Variants in SRBD1 observed in about 807,000 individuals in gnomAD.
SRBD1 encodes the protein S1 RNA binding domain 1.
Under a neutral mutation model 115.3 loss-of-function variants are expected in SRBD1, and 88 were observed. The observed-to-expected ratio is 0.76, with a 90% CI of 0.64 to 0.91. SRBD1 has a LOEUF of 0.91. SRBD1 is among the 40% of genes least tolerant of loss of function. SRBD1 has a pLI of 0.00. For synonymous variants in SRBD1, 509 were observed against 407.7 expected (o/e 1.25, Z -2.99); for missense variants, 1,385 against 1,177.4 (o/e 1.18, Z -2.58).
chr2:45,528,824 A>C (rs1366137657), intron 14 of SRBD1, among the ~76,000 whole-genome samples: 1 of 151,954 alleles, frequency 6.6e-6, no homozygotes, highest in Non-Finnish European at 1.5e-5. Flanking sequence ...TTAGAAGTAC[A>C]ATTACCAAAA....
intron 14 of SRBD1, among the ~76,000 whole-genome samples, chr2:45,493,459 T>C (rs541169145): frequency 6.6e-5 from 10 of 152,314 alleles, no homozygotes; most frequent in Admixed American, 5.9e-4. Context: ...AATTCTTTTA[T>C]GTAATGATGA....
At chr2:45,402,000 C>T (rs1050848838) in intron 19 of SRBD1, among the ~76,000 whole-genome samples, 4 of 152,108 alleles carry the variant, frequency 2.6e-5, no homozygotes, top group African/African-American at 9.7e-5. Context: ...AATCCTTGAA[C>T]AGGAATGGGA....
intron 14 of SRBD1, among the ~76,000 whole-genome samples, chr2:45,537,929 G>C (rs1240091545): frequency 6.6e-6 from 1 of 152,188 alleles, no homozygotes; most frequent in Non-Finnish European, 1.5e-5. Flanking sequence ...AGGTATGAGA[G>C]AGAAAATTTA....
At chr2:45,414,653 C>T (rs1426427841) in intron 18 of SRBD1, among the ~76,000 whole-genome samples, 1 of 148,578 alleles carries the variant, frequency 6.7e-6, no homozygotes, top group Admixed American at 6.7e-5. Flanking sequence ...ATATAGTATG[C>T]ACATACACAC....
chr2:45,608,056 T>C (rs547063288), intron 1 of SRBD1, among the ~76,000 whole-genome samples: 45 of 152,302 alleles, frequency 3.0e-4, no homozygotes, highest in Non-Finnish European at 4.9e-4. Flanking sequence ...ATTCAGAACA[T>C]TCCCACACAG....
chr2:45,408,024 T>C (rs951603017), intron 19 of SRBD1, among the ~76,000 whole-genome samples: 2 of 152,200 alleles, frequency 1.3e-5, no homozygotes, highest in Non-Finnish European at 2.9e-5. Flanking sequence ...CATAATCATG[T>C]TACATTTTGA....
chr2:45,415,687 GGGAGAGGAGA>G (rs1444810462), intron 18 of SRBD1, among the ~76,000 whole-genome samples: 172 of 3,726 alleles, frequency 0.046, 26 homozygotes, highest in African/African-American at 0.12. Flanking sequence ...GGGAGGGGAC[GGGAGAGGAGA>G]GGAGAGGAGA....
intron 8 of SRBD1, 71 bp from the exon 9 acceptor site, chr2:45,573,413 A>G: frequency 6.6e-7 from 1 of 1,505,380 alleles, no homozygotes. Context: ...ATATATAGAA[A>G]TAAGGATAGC....
intron 14 of SRBD1, among the ~76,000 whole-genome samples, chr2:45,512,904 C>T (rs1671011540): frequency 6.6e-6 from 1 of 152,042 alleles, no homozygotes; most frequent in African/African-American, 2.4e-5. Context: ...AAGGTCTGTC[C>T]CCTTTAACCT....
At chr2:45,509,598 A>AACACACAC (rs1179307941) in intron 14 of SRBD1, among the ~76,000 whole-genome samples, 3,169 of 125,434 alleles carry the variant, frequency 0.025, 61 homozygotes, top group Admixed American at 0.038. Flanking sequence ...TCCGTCTCAA[A>AACACACAC]ACACACACAC....
chr2:45,468,675 A>C (rs1190436967), intron 16 of SRBD1, among the ~76,000 whole-genome samples: 5 of 152,136 alleles, frequency 3.3e-5, no homozygotes, highest in Non-Finnish European at 7.4e-5. Context: ...GGTGTGAGCC[A>C]CCGTGCCCAG....
intron 14 of SRBD1, among the ~76,000 whole-genome samples, chr2:45,494,455 TAGA>T (rs1266283247): frequency 5.9e-5 from 9 of 152,134 alleles, no homozygotes; most frequent in African/African-American, 2.2e-4. Context: ...CATTTGTTTG[TAGA>T]AGATCTCAAG....
chr2:45,477,174 G>C, intron 15 of SRBD1, 99 bp from the exon 16 acceptor site: 1 of 900,518 alleles, frequency 1.1e-6, no homozygotes, highest in South Asian at 1.6e-5. Context: ...ACTTAATCCT[G>C]TCCCTCCTCA....
intron 4 of SRBD1, 46 bp from the exon 5 acceptor site, chr2:45,585,820 C>G: frequency 1.4e-6 from 2 of 1,422,226 alleles, no homozygotes. Context: ...GAAAATTAAA[C>G]ATCTATATCA....
At chr2:45,461,710 T>G (rs559232376) in intron 16 of SRBD1, among the ~76,000 whole-genome samples, 93 of 152,292 alleles carry the variant, frequency 6.1e-4, no homozygotes, top group African/African-American at 2.1e-3. Flanking sequence ...ATTAATTTTC[T>G]TTTCCACTAT....
intron 14 of SRBD1, among the ~76,000 whole-genome samples, chr2:45,493,268 A>G (rs1670353965): frequency 6.6e-6 from 1 of 152,224 alleles, no homozygotes; most frequent in Non-Finnish European, 1.5e-5. Context: ...AACATGAACC[A>G]ACATAAATCT....
chr2:45,552,981 G>A lies in SRBD1; in HGVS notation c.1517+642C>T, dbSNP rs75883962. Among the ~76,000 whole-genome samples, 548 of 152,276 alleles carry A rather than the reference G, an allele frequency of 3.6e-3. 5 individuals carry two copies. The highest frequency in any genetic ancestry group is 0.013 in the African/African-American group (528 of 41,560). ...CTGAAACCTACAAAGAAATGAGAAT[G>A]AAGATAATCTATAATATTTTGGAAG... On this transcript the variant is annotated intron_variant, in intron 11 of 20. Transcript: ENST00000263736.
intron 14 of SRBD1, among the ~76,000 whole-genome samples, chr2:45,500,619 T>C (rs1192218325): frequency 6.6e-6 from 1 of 152,108 alleles, no homozygotes; most frequent in Non-Finnish European, 1.5e-5. Context: ...TTTCACCATG[T>C]TGCCCAGGCT....
intron 4 of SRBD1, among the ~76,000 whole-genome samples, chr2:45,585,986 T>A (rs145762953): frequency 0.014 from 2,060 of 152,252 alleles, 26 homozygotes; most frequent in Middle Eastern, 0.058. Context: ...TAAAATCTAA[T>A]CCAAACCACT....
Sources: allele counts gnomAD v4.1 joint callset (sites outside exome capture counted in the v4.1 genomes callset), GRCh38; gene constraint gnomAD v4.1.1; transcripts MANE v1.5; gene names NCBI Gene and HGNC (gene_info 2026-07-23, HGNC 2026-07-21).